LITAF: variants seen among roughly 807,000 people sequenced by gnomAD.
LITAF encodes the protein lipopolysaccharide induced TNF factor.
Under a neutral mutation model 14.5 loss-of-function variants are expected in LITAF, and 9 were observed. The observed-to-expected ratio is 0.62, with a 90% CI of 0.37 to 1.08. The LOEUF (loss-of-function observed/expected upper bound fraction) is 1.08, where lower values mean the gene tolerates loss of function less well. LITAF is among the 50% of genes least tolerant of loss of function. The probability of loss-of-function intolerance (pLI) is 0.01; values close to 1 mark genes in which losing one functional copy is unlikely to be tolerated. For synonymous variants in LITAF, 98 were observed against 88.2 expected (o/e 1.11, Z -0.62); for missense variants, 206 against 213.4 (o/e 0.97, Z 0.22).
intron 1 of LITAF, among the ~76,000 whole-genome samples, chr16:11,576,898 A>G (rs540798827): frequency 5.9e-5 from 9 of 152,204 alleles, no homozygotes; most frequent in Non-Finnish European, 1.2e-4. Context: ...GACTGCAGGT[A>G]GTCCAACTGT....
rs141309018 is a variant in LITAF at position 11,553,894 on chromosome 16, C to G, written c.221-205G>C. On this transcript the variant is annotated intron_variant, in intron 2 of 3. Transcript: ENST00000622633. The surrounding 1 kb of genome is among the most constrained non-coding windows in gnomAD (Gnocchi z 7.7). ...GTCCATCGACGGACCAATAAACTAA[C>G]ACAGCGAAGTTTATCCATCCACCAG... 1.5e-5 allele frequency: 9 copies of G among 591,266 alleles called. No individual in the cohort carries two copies. In the East Asian group the frequency reaches 2.7e-4, roughly 18 times the overall value. 36.6% of individuals were successfully genotyped at this position (591,266 alleles called of 1,614,324 possible).
At chr16:11,602,966 T>A (rs2064936535), upstream of LITAF, among the ~76,000 whole-genome samples, 1 of 151,508 alleles carries the variant, frequency 6.6e-6, no homozygotes, top group Non-Finnish European at 1.5e-5. Flanking sequence ...AACAAAAAAT[T>A]AGCAGATTAT....
At chr16:11,623,838 G>T (rs1254862985) in intron 3 of LITAF, among the ~76,000 whole-genome samples, 1 of 150,850 alleles carries the variant, frequency 6.6e-6, no homozygotes, top group Non-Finnish European at 1.5e-5. Flanking sequence ...ATGGTGGCAG[G>T]CGCCTGTAAT....
Position 11,553,373 on chromosome 16 carries a change from T to G in LITAF, c.377+160A>C. On this transcript the variant is annotated intron_variant, in intron 3 of 3. Transcript: ENST00000622633. This position sits in a 1 kb window ranked among gnomAD's most constrained non-coding sequence, Gnocchi z 7.7. ...TTACAGTGAGCCGAGATCGCCCCAC[T>G]GTACTCCAGCCTGGGCGACAGAACC... The G allele has an allele frequency of 1.3e-6, 1 of 766,886 alleles. No individual in the cohort carries two copies. The highest frequency in any genetic ancestry group is 2.2e-5 in the Admixed American group (1 of 45,262). The allele number at this position is 766,886 out of a possible 1,614,324, so 47.5% of individuals were successfully genotyped here.
At chr16:11,572,378 A>G (rs1366536120) in intron 1 of LITAF, among the ~76,000 whole-genome samples, 1 of 152,066 alleles carries the variant, frequency 6.6e-6, no homozygotes, top group Non-Finnish European at 1.5e-5. Flanking sequence ...TCCTCCTCAA[A>G]AGCAGGGAGA....
intron 3 of LITAF, among the ~76,000 whole-genome samples, chr16:11,611,846 G>T (rs2064983875): frequency 6.6e-6 from 1 of 151,936 alleles, no homozygotes; most frequent in South Asian, 2.1e-4. Flanking sequence ...TGTATTTTTA[G>T]TAGAAACAGG....
rs753258937 is a variant in LITAF at position 11,556,160 on chromosome 16, G to C, written c.220+351C>G. On this transcript the variant is annotated intron_variant, in intron 2 of 3. Coordinates refer to ENST00000622633, the MANE Select transcript of LITAF (RefSeq NM_001136472.2). ...TCCTCCCTATTCCTACCTCGGCCCT[G>C]GCCTCAGGGCAGAAGTTCTGCATCA... The C allele has an allele frequency of 8.6e-5, 37 of 431,734 alleles. No individual in the cohort carries two copies. In the Middle Eastern group the frequency reaches 1.7e-3, roughly 20 times the overall value. 26.7% of individuals were successfully genotyped at this position (431,734 alleles called of 1,614,324 possible). A position where few individuals can be genotyped will look rare whatever the true frequency, so the allele number is the denominator to read the frequency against.
At chr16:11,560,156 G>A (rs1414541888) in intron 1 of LITAF, among the ~76,000 whole-genome samples, 1 of 151,272 alleles carries the variant, frequency 6.6e-6, no homozygotes, top group Non-Finnish European at 1.5e-5. Context: ...AATTAGCCAG[G>A]TGTGATATTG....
intron 1 of LITAF, among the ~76,000 whole-genome samples, chr16:11,582,162 C>T (rs9924194): frequency 0.021 from 3,181 of 152,160 alleles, 117 homozygotes; most frequent in African/African-American, 0.072. Context: ...TGATCAATTA[C>T]ACACTGGAGA....
In LITAF at chr16:11,608,982, A is replaced by AAC. The variant is rs1469668232; in HGVS notation, c.85+24550_85+24551insGT. ...ACAAAAAAAACAAAACAAACAAACA[A>AAC]AAAAAAACGCACCGAGTATACAGTT... On this transcript the variant is annotated intron_variant, in intron 3 of 3. Transcript: ENST00000574848. Among the ~76,000 whole-genome samples the AAC allele has an allele frequency of 8.9e-4, 134 of 150,770 alleles. 1 individual carries two copies. In the Middle Eastern group the frequency reaches 0.01, roughly 11 times the overall value.
At position 11,548,835 on chromosome 16, in the gene LITAF, C is replaced by G. The variant is rs1485055000; in HGVS notation, c.*802G>C. On this transcript the variant is annotated 3_prime_UTR_variant, in exon 4 of 4. Coordinates refer to ENST00000622633, the MANE Select transcript of LITAF (RefSeq NM_001136472.2). ...TGTTTTTTTTTAAAAAAAAGAAATT[C>G]TGTTCAAAAGTATTTCAGACCAAAA... is the stretch of plus-strand genomic sequence containing the variant. 2.2e-6 allele frequency: 1 copy of G among 453,040 alleles called. No individual in the cohort carries two copies. The highest frequency in any genetic ancestry group is 4.4e-6 in the Non-Finnish European group (1 of 226,658). 28.1% of individuals were successfully genotyped at this position (453,040 alleles called of 1,614,324 possible). A position where few individuals can be genotyped will look rare whatever the true frequency, so the allele number is the denominator to read the frequency against.
At chr16:11,576,325 T>G (rs2064632268) in intron 1 of LITAF, among the ~76,000 whole-genome samples, 1 of 151,828 alleles carries the variant, frequency 6.6e-6, no homozygotes, top group Non-Finnish European at 1.5e-5. Flanking sequence ...AAAAATTAGC[T>G]GGGCAAGGTG....
At chr16:11,610,294 C>A (rs1469360340) in intron 3 of LITAF, among the ~76,000 whole-genome samples, 1 of 152,220 alleles carries the variant, frequency 6.6e-6, no homozygotes, top group South Asian at 2.1e-4. Flanking sequence ...GACCTGCCCC[C>A]GCAGGCTCCA....
chr16:11,566,263 C>T (rs1030003707), intron 1 of LITAF, among the ~76,000 whole-genome samples: 1 of 152,154 alleles, frequency 6.6e-6, no homozygotes, highest in African/African-American at 2.4e-5. Context: ...AGGGCCAAAA[C>T]ATTATGGGTG....
intron 1 of LITAF, among the ~76,000 whole-genome samples, chr16:11,595,876 G>A (rs1301085261): frequency 6.6e-6 from 1 of 152,168 alleles, no homozygotes; most frequent in Non-Finnish European, 1.5e-5. Context: ...TCCCTATACT[G>A]TGTAAGACAT....
In LITAF at chr16:11,632,969, CT is replaced by C. The variant is rs1173799475; in HGVS notation, c.85+563del. On this transcript the variant is annotated intron_variant, in intron 3 of 3. Coordinates refer to the LITAF transcript ENST00000574848. This position sits in a 1 kb window ranked among gnomAD's most constrained non-coding sequence, Gnocchi z 4.8. Reference sequence around the variant, plus strand: ...AGCTGGCAGCCACTCCAGAGATTTGCTGTCTTAGATAGGAAAGGACGGCCTG... The same window carrying C: ...AGCTGGCAGCCACTCCAGAGATTTGCGTCTTAGATAGGAAAGGACGGCCTG... 1.3e-5 allele frequency among the ~76,000 whole-genome samples: 2 copies of C among 152,154 alleles called. No homozygotes were observed. Among genetic ancestry groups the C allele is most frequent in the African/African-American group, 4.8e-5 (2 of 41,438 alleles).
intron 3 of LITAF, among the ~76,000 whole-genome samples, chr16:11,614,056 C>T (rs937204129): frequency 7.9e-5 from 12 of 152,172 alleles, no homozygotes; most frequent in African/African-American, 2.9e-4. Flanking sequence ...GCCCATTGTA[C>T]AGACGGGGCA....
intron 1 of LITAF, among the ~76,000 whole-genome samples, chr16:11,597,727 A>G (rs1454446803): frequency 1.3e-5 from 2 of 152,150 alleles, no homozygotes; most frequent in African/African-American, 4.8e-5. Flanking sequence ...ACAGAACAGA[A>G]ACAAGCAGTT....
intron 1 of LITAF, among the ~76,000 whole-genome samples, chr16:11,581,780 G>GA (rs1428668063): frequency 6.6e-6 from 1 of 151,982 alleles, no homozygotes; most frequent in Non-Finnish European, 1.5e-5. Flanking sequence ...GGTTTTAAAG[G>GA]AATCTCCCAA....
Sources: gnomAD v4.1 joint callset for allele counts (sites outside exome capture counted in the v4.1 genomes callset) on GRCh38, gnomAD v4.1.1 for gene constraint, Gnocchi (gnomAD v3.1) non-coding constraint, MANE v1.5 for transcripts, NCBI Gene and HGNC (gene_info 2026-07-23, HGNC 2026-07-21) for gene names.